MSRA: variants seen among roughly 807,000 people sequenced by gnomAD.
The protein encoded by MSRA is mitochondrial peptide methionine sulfoxide reductase.
MSRA carries 54 observed loss-of-function variants against 31.3 expected under a neutral mutation model. The observed-to-expected ratio is 1.73, with a 90% CI of 1.39 to 2.17. MSRA has a LOEUF of 2.17. MSRA is among the 30% of genes most tolerant of loss of function. The pLI, the probability that MSRA is intolerant of heterozygous loss-of-function variation, is 0.00. For missense variants in MSRA, 507 were observed against 300.9 expected (o/e 1.69, Z -5.07); for synonymous variants, 169 against 116.5 (o/e 1.45, Z -2.90).
At chr8:10,402,159 G>C (rs576128823) in intron 5 of MSRA, among the ~76,000 whole-genome samples, 2 of 152,310 alleles carry the variant, frequency 1.3e-5, no homozygotes, top group South Asian at 4.1e-4. Context: ...GAACATTGCT[G>C]AGGGTTCCTG....
chr8:10,130,804 C>T (rs564145939), intron 1 of MSRA, among the ~76,000 whole-genome samples: 1 of 152,276 alleles, frequency 6.6e-6, no homozygotes, highest in Non-Finnish European at 1.5e-5. Context: ...AACTAGCATT[C>T]TTAGAGGAGT....
intron 1 of MSRA, among the ~76,000 whole-genome samples, chr8:10,073,791 A>T (rs990635375): frequency 2.6e-5 from 4 of 152,068 alleles, no homozygotes; most frequent in African/African-American, 7.2e-5. Context: ...TAGTTCTAAC[A>T]TGTTCTTTTG....
intron 5 of MSRA, among the ~76,000 whole-genome samples, chr8:10,339,042 A>G (rs1299557417): frequency 6.6e-6 from 1 of 152,086 alleles, no homozygotes; most frequent in East Asian, 1.9e-4. Flanking sequence ...ATTCTTTTCC[A>G]TTTTTTAATT....
chr8:10,112,434 C>G (rs1800359004), intron 1 of MSRA, among the ~76,000 whole-genome samples: 1 of 152,156 alleles, frequency 6.6e-6, no homozygotes. Flanking sequence ...TTACTAAAGT[C>G]ACGGCCAGTT....
At chr8:10,252,066 C>T (rs1318588333) in intron 3 of MSRA, among the ~76,000 whole-genome samples, 1 of 152,190 alleles carries the variant, frequency 6.6e-6, no homozygotes. Context: ...CAGCTTTCAG[C>T]TGTATTATAT....
rs558194125 is a variant in MSRA, at chr8:10,300,970, C to T, written c.332-564C>T. On this transcript the variant is annotated intron_variant, in intron 3 of 5. Coordinates refer to ENST00000317173, the MANE Select transcript of MSRA (RefSeq NM_012331.5). ...AGAGAAGAATTAGGCTGGGAAAACACTTACCACCCTGCTGGGTATTTAAAT... is the reference window on the plus strand; with the variant it reads ...AGAGAAGAATTAGGCTGGGAAAACATTTACCACCCTGCTGGGTATTTAAAT... Among the ~76,000 whole-genome samples the T allele has an allele frequency of 1.2e-4, 19 of 152,234 alleles. No homozygotes were observed. In the East Asian group the frequency reaches 3.1e-3, roughly 25 times the overall value.
At chr8:10,330,470 C>T (rs1453571951) in intron 5 of MSRA, among the ~76,000 whole-genome samples, 1 of 152,098 alleles carries the variant, frequency 6.6e-6, no homozygotes, top group Non-Finnish European at 1.5e-5. Context: ...GGCTTTTTCT[C>T]CTTATTCTCC....
chr8:10,398,872 A>C (rs1807267095), intron 5 of MSRA, among the ~76,000 whole-genome samples: 1 of 152,200 alleles, frequency 6.6e-6, no homozygotes, highest in Non-Finnish European at 1.5e-5. Context: ...TTGCTTTGAA[A>C]ATAGCATTAG....
At chr8:10,258,603 G>T (rs1355395974) in intron 3 of MSRA, among the ~76,000 whole-genome samples, 1 of 152,204 alleles carries the variant, frequency 6.6e-6, no homozygotes, top group Non-Finnish European at 1.5e-5. Flanking sequence ...TGGGACTCTT[G>T]TAAGCCCTGC....
At chr8:10,075,928 C>G (rs1312924346) in intron 1 of MSRA, among the ~76,000 whole-genome samples, 3 of 152,162 alleles carry the variant, frequency 2.0e-5, no homozygotes, top group Non-Finnish European at 2.9e-5. Flanking sequence ...TGCTTATTAC[C>G]TCTCTCCACA....
At chr8:10,094,287 T>C (rs550680705) in intron 1 of MSRA, among the ~76,000 whole-genome samples, 20 of 152,346 alleles carry the variant, frequency 1.3e-4, no homozygotes, top group African/African-American at 4.8e-4. Flanking sequence ...TGTGATCCGT[T>C]CCCATAACTT....
chr8:10,072,249 C>G (rs1297467395), intron 1 of MSRA, among the ~76,000 whole-genome samples: 1 of 151,714 alleles, frequency 6.6e-6, no homozygotes, highest in African/African-American at 2.4e-5. Context: ...AGGGCCCATT[C>G]TTAGGCCACT....
At chr8:10,401,862 A>G (rs1170002305) in intron 5 of MSRA, among the ~76,000 whole-genome samples, 1 of 152,204 alleles carries the variant, frequency 6.6e-6, no homozygotes, top group Non-Finnish European at 1.5e-5. Flanking sequence ...AGTCAAATTC[A>G]TAGAGATAGA....
At chr8:10,218,547 T>A (rs547542446) in intron 2 of MSRA, among the ~76,000 whole-genome samples, 126 of 152,354 alleles carry the variant, frequency 8.3e-4, no homozygotes, top group Non-Finnish European at 1.1e-3. Context: ...TAGCATTTTT[T>A]AAATTTGTGA....
intron 5 of MSRA, among the ~76,000 whole-genome samples, chr8:10,333,844 T>C (rs1221020984): frequency 1.1e-4 from 17 of 152,090 alleles, no homozygotes; most frequent in Non-Finnish European, 1.0e-4. Flanking sequence ...TCCCTTGCTT[T>C]GCATCTGTGG....
chr8:10,133,201 CAG>C lies in MSRA; in HGVS notation c.143-74631_143-74630del, dbSNP rs1802027035. ...GGAAGGCGGTGAGGGTGGCTGGAGACAGGGTTGGTTGGGGAGAAGGGGCTGCT... is the reference window on the plus strand; with the variant it reads ...GGAAGGCGGTGAGGGTGGCTGGAGACGGTTGGTTGGGGAGAAGGGGCTGCT... On this transcript the variant is annotated intron_variant, in intron 1 of 5. Transcript: ENST00000317173. Among the ~76,000 whole-genome samples the C allele has an allele frequency of 2.0e-5, 3 of 152,152 alleles. No individual in the cohort carries two copies. The South Asian group carries it at 6.2e-4, about 32-fold the overall frequency.
chr8:10,104,137 G>A (rs1172815363), intron 1 of MSRA, among the ~76,000 whole-genome samples: 1 of 152,154 alleles, frequency 6.6e-6, no homozygotes, highest in African/African-American at 2.4e-5. Context: ...TTAGGGATCT[G>A]CTTTGTGCTA....
intron 3 of MSRA, among the ~76,000 whole-genome samples, chr8:10,282,007 A>G (rs554046886): frequency 3.3e-5 from 5 of 152,306 alleles, no homozygotes; most frequent in Non-Finnish European, 5.9e-5. Context: ...GTTTTGTGTA[A>G]TAGCAGTGCT....
At chr8:10,411,231 C>T (rs1294949089) in intron 5 of MSRA, 1 of 152,216 alleles carries the variant, frequency 6.6e-6, no homozygotes, top group African/African-American at 2.4e-5. Context: ...ATGCTATCAC[C>T]TGCAGCTTTG....
Sources: gnomAD v4.1 joint callset for allele counts (sites outside exome capture counted in the v4.1 genomes callset) on GRCh38, gnomAD v4.1.1 for gene constraint, MANE v1.5 for transcripts, NCBI Gene and HGNC (gene_info 2026-07-23, HGNC 2026-07-21) for gene names.